NAAA: variants seen among roughly 807,000 people sequenced by gnomAD.
NAAA encodes the protein N-acylethanolamine acid amidase.
In NAAA, 39 loss-of-function variants were observed where a neutral mutation model predicts 44.8. The observed-to-expected ratio is 0.87, with a 90% CI of 0.67 to 1.14. NAAA has a LOEUF of 1.14. Ranked by LOEUF, NAAA falls within the 50% of genes most tolerant of loss-of-function variation. The probability of loss-of-function intolerance (pLI) is 0.00; values close to 1 mark genes in which losing one functional copy is unlikely to be tolerated. For synonymous variants in NAAA, 178 were observed against 191.3 expected, an observed-to-expected ratio of 0.93 and a Z score of 0.58; for missense variants, 460 against 467.8, an observed-to-expected ratio of 0.98 and a Z score of 0.15.
In NAAA at chr4:75,913,672, T is replaced by G. The variant is rs369755377; in HGVS notation, c.*703A>C. 10 of 981,464 alleles carry G rather than the reference T, an allele frequency of 1.0e-5. No individual in the cohort carries two copies. The African/African-American group carries it at 1.4e-4, about 14-fold the overall frequency. The allele number at this position is 981,464 out of a possible 1,614,324, so 60.8% of individuals were successfully genotyped here. On this transcript the variant is annotated 3_prime_UTR_variant, in exon 11 of 11. Transcript: ENST00000286733. The stretch of plus-strand genomic sequence containing the variant: ...GCATAACGCTAAGTTTCTTGGAAAT[T>G]TTTTTATTCTCCTTGCCAACATTTC...
downstream of NAAA, chr4:75,911,276 C>T (rs565088566): frequency 3.8e-4 from 193 of 510,882 alleles, no homozygotes; most frequent in Non-Finnish European, 6.4e-4. Context: ...TGGATGTATA[C>T]GTGCAGGTCA....
chr4:75,940,258 C>T (rs750572191), intron 1 of NAAA, 93 bp from the exon 2 acceptor site: 9 of 1,360,636 alleles, frequency 6.6e-6, no homozygotes, highest in East Asian at 5.2e-5. Context: ...ATCCTTAGGG[C>T]GTGAGGTCTC....
At chr4:75,911,538 G>T (rs1419050830), downstream of NAAA, among the ~76,000 whole-genome samples, 1 of 152,152 alleles carries the variant, frequency 6.6e-6, no homozygotes, top group Non-Finnish European at 1.5e-5. Context: ...GATTGGGGAT[G>T]AAATTACAGG....
intron 2 of NAAA, among the ~76,000 whole-genome samples, chr4:75,937,181 G>C (rs1727805278): frequency 6.6e-6 from 1 of 152,216 alleles, no homozygotes; most frequent in Admixed American, 6.5e-5. Context: ...AGCACTTTGG[G>C]AGGCCAAGGT....
chr4:75,937,041 A>G (rs1727786798), intron 2 of NAAA, among the ~76,000 whole-genome samples: 1 of 152,104 alleles, frequency 6.6e-6, no homozygotes, highest in Admixed American at 6.6e-5. Context: ...ACTTTTCTAC[A>G]TTTACTGATT....
At chr4:75,917,144 C>A in intron 9 of NAAA, 1 of 917,450 alleles carries the variant, frequency 1.1e-6, no homozygotes, top group Non-Finnish European at 1.3e-6. Flanking sequence ...GTTTATTAAC[C>A]CCCATTTAAA....
intron 4 of NAAA, among the ~76,000 whole-genome samples, chr4:75,926,520 C>A (rs111676838): frequency 3.7e-5 from 5 of 136,286 alleles, no homozygotes; most frequent in African/African-American, 1.4e-4. Flanking sequence ...AAGATCAGGC[C>A]ACTGCACTCC....
At chr4:75,911,277 G>T (rs1038845243), downstream of NAAA, 5 of 510,282 alleles carry the variant, frequency 9.8e-6, no homozygotes, top group African/African-American at 2.0e-5. Context: ...GGATGTATAC[G>T]TGCAGGTCAC....
In NAAA at chr4:75,918,984, A is replaced by C. The variant is rs889396122; in HGVS notation, c.970-195T>G. Among the ~76,000 whole-genome samples the C allele has an allele frequency of 2.6e-5, 4 of 152,188 alleles. No individual in the cohort carries two copies. The South Asian group carries it at 8.3e-4, about 31-fold the overall frequency. Reference sequence around the variant, plus strand: ...ATAGAGAGACCCTGTCTTTACTAAAAAAGAAAAAAAAAGAATGTCTGTAGA... The same window carrying C: ...ATAGAGAGACCCTGTCTTTACTAAACAAGAAAAAAAAAGAATGTCTGTAGA... On this transcript the variant is annotated intron_variant, in intron 8 of 10. Transcript: ENST00000286733.
chr4:75,930,403 T>A (rs534866676), intron 4 of NAAA: 4 of 500,244 alleles, frequency 8.0e-6, no homozygotes, highest in Non-Finnish European at 7.9e-6. Context: ...TGTCATTTCA[T>A]CTCACAGCCT....
At chr4:75,931,375 C>A in intron 3 of NAAA, 71 bp from the exon 4 acceptor site, 1 of 1,170,806 alleles carries the variant, frequency 8.5e-7, no homozygotes, top group African/African-American at 1.5e-5. Context: ...TGTTCTGCCC[C>A]ACAATTTTCT....
intron 4 of NAAA, 142 bp downstream of exon 4, chr4:75,931,072 A>G: frequency 1.6e-6 from 1 of 606,766 alleles, no homozygotes; most frequent in South Asian, 2.3e-5. Context: ...TTCCATGCAT[A>G]CTGTCCACTT....
At position 75,940,976 on chromosome 4, in the gene NAAA, G is replaced by A. The variant is rs2149298706; in HGVS notation, c.-27C>T. ...GCTCGGGCTCCAGCGGCCGCAACTT[G>A]GAGACCTGCAGCCGCTGTCGGAGCC... On this transcript the variant is annotated 5_prime_UTR_variant, in exon 1 of 11. Transcript: ENST00000286733. 1.4e-6 allele frequency: 2 copies of A among 1,452,874 alleles called. No homozygotes were observed. Among genetic ancestry groups the A allele is most frequent in the Non-Finnish European group, 1.8e-6 (2 of 1,113,290 alleles). The allele number at this position is 1,452,874 out of a possible 1,614,324, so 90.0% of individuals were successfully genotyped here.
At chr4:75,913,285 C>G (rs569165007), downstream of NAAA, among the ~76,000 whole-genome samples, 83 of 151,896 alleles carry the variant, frequency 5.5e-4, no homozygotes, top group African/African-American at 2.0e-3. Flanking sequence ...TTTTATCCCC[C>G]GCTCCTGCTT....
At chr4:75,933,132 CAAA>C (rs59490735) in intron 3 of NAAA, among the ~76,000 whole-genome samples, 3 of 123,040 alleles carry the variant, frequency 2.4e-5, no homozygotes, top group Admixed American at 8.5e-5. Context: ...GACTCTGTCT[CAAA>C]AAAAAAAAAA....
At chr4:75,921,530 G>T (rs939022332) in intron 5 of NAAA, among the ~76,000 whole-genome samples, 1 of 152,158 alleles carries the variant, frequency 6.6e-6, no homozygotes, top group Non-Finnish European at 1.5e-5. Flanking sequence ...GAGTCGCCTG[G>T]TCCTATTCTC....
chr4:75,939,706 C>A, intron 2 of NAAA: 1 of 347,464 alleles, frequency 2.9e-6, no homozygotes. Flanking sequence ...TGAGCCAACG[C>A]GCCCGGCCTT....
At chr4:75,937,767 C>T (rs1727865255) in intron 2 of NAAA, among the ~76,000 whole-genome samples, 1 of 152,190 alleles carries the variant, frequency 6.6e-6, no homozygotes. Flanking sequence ...GCAATGCAGG[C>T]GTGAGCCACT....
chr4:75,919,997 G>T (rs2149250095), intron 7 of NAAA, 22 bp from the exon 8 acceptor site: 7 of 1,607,716 alleles, frequency 4.4e-6, no homozygotes, highest in Non-Finnish European at 6.0e-6. Flanking sequence ...AAGGTCGAAG[G>T]TCACTTGGCA....
Sources: allele counts gnomAD v4.1 joint callset (sites outside exome capture counted in the v4.1 genomes callset), GRCh38; gene constraint gnomAD v4.1.1; transcripts MANE v1.5; gene names NCBI Gene and HGNC (gene_info 2026-07-23, HGNC 2026-07-21).